ANKRD12: variants seen among roughly 807,000 people sequenced by gnomAD.
ANKRD12 encodes the protein ankyrin repeat domain 12.
ANKRD12 carries 85 observed loss-of-function variants against 183.4 expected under a neutral mutation model. That is an observed-to-expected ratio of 0.46 (90% CI 0.39 to 0.56). The LOEUF (loss-of-function observed/expected upper bound fraction) is 0.56. Among genes scored for constraint, ANKRD12 ranks in the 20% least tolerant of loss-of-function variants. The pLI is 0.00. For missense variants in ANKRD12, 2,405 were observed against 2,357.1 expected, an observed-to-expected ratio of 1.02 and a Z score of -0.42; for synonymous variants, 914 against 800.2, an observed-to-expected ratio of 1.14 and a Z score of -2.40.
intron 8 of ANKRD12, chr18:9,235,665 C>T (rs191524547): frequency 6.6e-6 from 3 of 456,192 alleles, no homozygotes; most frequent in East Asian, 6.9e-5. Flanking sequence ...GCAGGAAATG[C>T]CAAGCTCAGC....
rs2038949122 is a variant in ANKRD12 at position 9,261,261 on chromosome 18, T to A, written c.5664+2330T>A. Among the ~76,000 whole-genome samples the A allele has an allele frequency of 2.0e-5, 3 of 152,242 alleles. No homozygotes were observed. The South Asian group carries it at 6.2e-4, about 31-fold the overall frequency. Reference sequence around the variant, plus strand: ...ACATAATACCTCTTCCACAGCATGTTATTTAAATGCCTCCTGTGCAAATGG... The same window carrying A: ...ACATAATACCTCTTCCACAGCATGTAATTTAAATGCCTCCTGTGCAAATGG... On this transcript the variant is annotated intron_variant, in intron 9 of 12. Transcript: ENST00000262126.
In ANKRD12 at chr18:9,156,149, A is replaced by AAAG. The variant is rs1180031312; in HGVS notation, c.-52+19186_-52+19187insGAA. Among the ~76,000 whole-genome samples the AAAG allele has an allele frequency of 6.1e-4, 92 of 151,246 alleles. 1 individual carries two copies. The highest frequency in any genetic ancestry group is 4.0e-3 in the South Asian group (19 of 4,800). On this transcript the variant is annotated intron_variant, in intron 1 of 12. Transcript: ENST00000262126. ...TGAGACTCTGTCTCAAAAAAAAAAA[A>AAAG]AAAAAAGAAAAAGACTTTTGACTTT...
intron 8 of ANKRD12, among the ~76,000 whole-genome samples, chr18:9,222,513 AAAC>A (rs776289540): frequency 1.3e-5 from 2 of 152,002 alleles, no homozygotes; most frequent in Non-Finnish European, 2.9e-5. Flanking sequence ...GATAACAAAA[AAAC>A]ATTTACTGTG....
chr18:9,263,737 C>A, intron 9 of ANKRD12, 53 bp from the exon 10 acceptor site: 1 of 1,315,796 alleles, frequency 7.6e-7, no homozygotes. Flanking sequence ...AAGAATAGCC[C>A]ATTATTGTAA....
In ANKRD12 at chr18:9,264,484, A is replaced by G. The variant is rs914476075; in HGVS notation, c.5763+596A>G. Reference sequence around the variant, plus strand: ...ATATATACATACTCATATGCAAACAAAATTTGTATATAACTTCTTTGGTTC... The same window carrying G: ...ATATATACATACTCATATGCAAACAGAATTTGTATATAACTTCTTTGGTTC... On this transcript the variant is annotated intron_variant, in intron 10 of 12. Coordinates refer to ENST00000262126, the MANE Select transcript of ANKRD12 (RefSeq NM_015208.5). Among the ~76,000 whole-genome samples, 3 of 152,158 alleles carry G rather than the reference A, an allele frequency of 2.0e-5. No homozygotes were observed. The South Asian group carries it at 6.2e-4, about 32-fold the overall frequency.
At chr18:9,143,936 C>T (rs2078407820) in intron 1 of ANKRD12, among the ~76,000 whole-genome samples, 1 of 152,198 alleles carries the variant, frequency 6.6e-6, no homozygotes. Context: ...CTTCCTCTTC[C>T]TTCAGGCACT....
At chr18:9,159,599 A>ATTTT (rs71168039) in intron 1 of ANKRD12, among the ~76,000 whole-genome samples, 1 of 142,962 alleles carries the variant, frequency 7.0e-6, no homozygotes, top group Non-Finnish European at 1.5e-5. Flanking sequence ...GCCTGGCTAA[A>ATTTT]TTTTTTTTTT....
intron 1 of ANKRD12, among the ~76,000 whole-genome samples, chr18:9,157,577 G>GTA (rs1439951194): frequency 1.7e-5 from 2 of 114,468 alleles, no homozygotes; most frequent in Non-Finnish European, 3.4e-5. Flanking sequence ...GTGTGTGTGT[G>GTA]TGTGTGTGTA....
intron 1 of ANKRD12, among the ~76,000 whole-genome samples, chr18:9,164,054 C>A (rs1389793270): frequency 6.6e-6 from 1 of 152,150 alleles, no homozygotes; most frequent in African/African-American, 2.4e-5. Context: ...GCCAGAACTT[C>A]CAATACTGTG....
At chr18:9,187,029 G>C (rs972134029) in intron 2 of ANKRD12, among the ~76,000 whole-genome samples, 1 of 152,104 alleles carries the variant, frequency 6.6e-6, no homozygotes, top group Non-Finnish European at 1.5e-5. Flanking sequence ...CCAAAGTGCT[G>C]GGATTACAGG....
At chr18:9,175,446 A>G (rs1346994449) in intron 1 of ANKRD12, among the ~76,000 whole-genome samples, 1 of 145,666 alleles carries the variant, frequency 6.9e-6, no homozygotes, top group Non-Finnish European at 1.5e-5. Flanking sequence ...GTCAGTGTTC[A>G]GTAGTTTTTC....
In ANKRD12 at chr18:9,138,841, T is replaced by C. The variant is rs116369358; in HGVS notation, c.-52+1876T>C. Among the ~76,000 whole-genome samples the C allele has an allele frequency of 5.2e-3, 792 of 152,306 alleles. 11 individuals are homozygous for C. Among genetic ancestry groups the C allele is most frequent in the African/African-American group, 0.017 (724 of 41,558 alleles). On this transcript the variant is annotated intron_variant, in intron 1 of 12. Coordinates refer to ENST00000262126, the MANE Select transcript of ANKRD12 (RefSeq NM_015208.5). ...ACAAGGGGAGAAAAGTTTTACTACT[T>C]AAGGATCTTTTATATTTGATACAGG...
At chr18:9,271,568 G>A (rs1360092350) in intron 10 of ANKRD12, among the ~76,000 whole-genome samples, 2 of 152,130 alleles carry the variant, frequency 1.3e-5, no homozygotes, top group African/African-American at 4.8e-5. Context: ...GTGTTGCCCA[G>A]GCTGGTCTCA....
At chr18:9,224,756 A>G (rs1402947851) in intron 8 of ANKRD12, among the ~76,000 whole-genome samples, 2 of 152,242 alleles carry the variant, frequency 1.3e-5, no homozygotes, top group Admixed American at 6.5e-5. Context: ...TGCTTATAAT[A>G]CTGAAAATTT....
chr18:9,159,306 T>G (rs2031061394), intron 1 of ANKRD12, among the ~76,000 whole-genome samples: 2 of 152,242 alleles, frequency 1.3e-5, no homozygotes. Context: ...AACAAGAGTT[T>G]ATATTCATAT....
intron 1 of ANKRD12, among the ~76,000 whole-genome samples, chr18:9,177,979 A>T (rs973328055): frequency 7.2e-5 from 11 of 152,348 alleles, no homozygotes; most frequent in Admixed American, 2.6e-4. Context: ...AGTTATTTAT[A>T]TGTTCTGGAT....
rs577030017 is a variant in ANKRD12 at position 9,265,866 on chromosome 18, A to G, written c.5763+1978A>G. Among the ~76,000 whole-genome samples the G allele has an allele frequency of 7.9e-4, 119 of 150,006 alleles. 1 individual carries two copies. The highest frequency in any genetic ancestry group is 3.0e-3 in the African/African-American group (117 of 39,412). On this transcript the variant is annotated intron_variant, in intron 10 of 12. Coordinates refer to ENST00000262126, the MANE Select transcript of ANKRD12 (RefSeq NM_015208.5). ...CGAACCCATGGCAAAGAAGTTAAAA[A>G]CCTTGAAAAAAGATTAGACGAATGG...
chr18:9,204,549 T>C lies in ANKRD12; in HGVS notation c.304+5T>C. On this transcript the variant is annotated splice_donor_5th_base_variant and intron_variant, in intron 4 of 12. Coordinates refer to ENST00000262126, the MANE Select transcript of ANKRD12 (RefSeq NM_015208.5). Reference sequence around the variant, plus strand: ...CTTCTTACAGGACATACTCAGGTAATTAGATTATCAGGTGTTCCTGTTTAG... The same window carrying C: ...CTTCTTACAGGACATACTCAGGTAACTAGATTATCAGGTGTTCCTGTTTAG... 2 of 1,569,952 alleles carry C rather than the reference T, an allele frequency of 1.3e-6. No individual in the cohort carries two copies. The highest frequency in any genetic ancestry group is 1.7e-6 in the Non-Finnish European group (2 of 1,151,992).
intron 2 of ANKRD12, among the ~76,000 whole-genome samples, chr18:9,190,817 T>C (rs1464581575): frequency 6.6e-6 from 1 of 152,218 alleles, no homozygotes; most frequent in Non-Finnish European, 1.5e-5. Flanking sequence ...TATTGCACAC[T>C]TACTAGACTA....
Sources: gnomAD v4.1 joint callset for allele counts (sites outside exome capture counted in the v4.1 genomes callset) on GRCh38, gnomAD v4.1.1 for gene constraint, MANE v1.5 for transcripts, NCBI Gene and HGNC (gene_info 2026-07-23, HGNC 2026-07-21) for gene names.